LIG1: variants seen among roughly 807,000 people sequenced by gnomAD.
The protein encoded by LIG1 is ligase I, DNA, ATP-dependent.
A neutral mutation model predicts 115.7 loss-of-function variants in LIG1; 70 were observed. That is an observed-to-expected ratio of 0.60 (90% confidence interval 0.50 to 0.74). The LOEUF (loss-of-function observed/expected upper bound fraction) is 0.74. LIG1 is among the 30% of genes least tolerant of loss of function. The probability of loss-of-function intolerance (pLI) is 0.00; values close to 1 mark genes in which losing one functional copy is unlikely to be tolerated. For synonymous variants in LIG1, 487 were observed against 495.3 expected, an observed-to-expected ratio of 0.98 and a Z score of 0.22; for missense variants, 1,115 against 1,225.6, an observed-to-expected ratio of 0.91 and a Z score of 1.35.
chr19:48,119,070 G>T, intron 25 of LIG1, 67 bp downstream of exon 25: 1 of 1,297,644 alleles, frequency 7.7e-7, no homozygotes, highest in Non-Finnish European at 1.1e-6. Flanking sequence ...GCCCTGCATG[G>T]AAGGACTGTG....
intron 5 of LIG1, 88 bp downstream of exon 5, chr19:48,156,926 G>A (rs1371402280): frequency 7.0e-5 from 86 of 1,234,130 alleles, no homozygotes; most frequent in Middle Eastern, 3.1e-4. Context: ...GCAACAGAGC[G>A]AGACTATGTC....
chr19:48,130,265 T>C (rs1049392413), intron 19 of LIG1, among the ~76,000 whole-genome samples: 1 of 152,204 alleles, frequency 6.6e-6, no homozygotes, highest in Non-Finnish European at 1.5e-5. Flanking sequence ...TGCACTGAAC[T>C]GTGCCTCTCT....
intron 19 of LIG1, among the ~76,000 whole-genome samples, chr19:48,129,475 G>A (rs1024068985): frequency 1.3e-5 from 2 of 152,204 alleles, no homozygotes; most frequent in African/African-American, 4.8e-5. Context: ...TGGGCTGTGA[G>A]CTCAGTGAGG....
chr19:48,137,818 C>CT lies in LIG1; in HGVS notation c.1088-131dup. 8.8e-7 allele frequency: 1 copy of CT among 1,139,052 alleles called. No homozygotes were observed. Among genetic ancestry groups the CT allele is most frequent in the South Asian group, 1.4e-5 (1 of 72,260 alleles). 70.6% of individuals were successfully genotyped at this position (1,139,052 alleles called of 1,614,324 possible). A position where few individuals can be genotyped will look rare whatever the true frequency, so the allele number is the denominator to read the frequency against. Reference sequence around the variant, plus strand: ...GGCGAGTCCCTGCACCTCCCTGTGTCTAACGCTCACCCACTTGGTAGAAAT... The same window carrying CT: ...GGCGAGTCCCTGCACCTCCCTGTGTCTTAACGCTCACCCACTTGGTAGAAAT... On this transcript the variant is annotated intron_variant, in intron 12 of 27. Transcript: ENST00000263274. This position sits in a 1 kb window ranked among gnomAD's most constrained non-coding sequence, Gnocchi z 4.3.
At chr19:48,124,470 A>AGTGTAGCCGCCACCAGCCAT (rs1228275302) in intron 21 of LIG1, among the ~76,000 whole-genome samples, 3 of 152,178 alleles carry the variant, frequency 2.0e-5, no homozygotes, top group African/African-American at 7.2e-5. Flanking sequence ...CGTGCTACCC[A>AGTGTAGCCGCCACCAGCCAT]GTGTAGCCGC....
At position 48,157,248 on chromosome 19, in the gene LIG1, G is replaced by C. The variant is rs2035910359; in HGVS notation, c.244-108C>G. On this transcript the variant is annotated intron_variant, in intron 4 of 27. Coordinates refer to ENST00000263274, the MANE Select transcript of LIG1 (RefSeq NM_000234.3). ...AACCTCTCTGTCTACCCTCCTTTCT[G>C]ACCCTATGGTCTCAGCCCTAACTCA... The C allele has an allele frequency of 6.2e-6, 8 of 1,285,144 alleles. No individual in the cohort carries two copies. The East Asian group carries it at 2.0e-4, about 33-fold the overall frequency. 79.6% of individuals were successfully genotyped at this position (1,285,144 alleles called of 1,614,324 possible). A position where few individuals can be genotyped will look rare whatever the true frequency, so the allele number is the denominator to read the frequency against.
chr19:48,165,645 T>C, intron 1 of LIG1, 22 bp from the exon 2 acceptor site: 3 of 1,582,682 alleles, frequency 1.9e-6, no homozygotes, highest in East Asian at 2.2e-5. Context: ...ATCCAAACAC[T>C]TGTTGAGGTG....
At position 48,140,151 on chromosome 19, in the gene LIG1, A is replaced by C; in HGVS notation, c.915-8T>G. 7.0e-7 allele frequency: 1 copy of C among 1,429,360 alleles called. No individual in the cohort carries two copies. Among genetic ancestry groups the C allele is most frequent in the Non-Finnish European group, 9.4e-7 (1 of 1,064,324 alleles). 88.5% of individuals were successfully genotyped at this position (1,429,360 alleles called of 1,614,324 possible). A position where few individuals can be genotyped will look rare whatever the true frequency, so the allele number is the denominator to read the frequency against. ...GTCTCCACCATCCGGAGCCTGGAGGAGGGGACGGGGGTATGAACACGTGGT... is the reference window on the plus strand; with the variant it reads ...GTCTCCACCATCCGGAGCCTGGAGGCGGGGACGGGGGTATGAACACGTGGT... On this transcript the variant is annotated splice_region_variant and splice_polypyrimidine_tract_variant and intron_variant, in intron 11 of 27. Coordinates refer to ENST00000263274, the MANE Select transcript of LIG1 (RefSeq NM_000234.3).
intron 11 of LIG1, 77 bp downstream of exon 11, chr19:48,143,466 A>C (rs2034907146): frequency 4.0e-6 from 5 of 1,259,154 alleles, no homozygotes; most frequent in Admixed American, 1.7e-5. Context: ...TGGCGGAACA[A>C]GGCAGCACAG....
chr19:48,161,659 T>C (rs1181186403), intron 3 of LIG1, 152 bp from the exon 4 acceptor site: 2 of 906,224 alleles, frequency 2.2e-6, no homozygotes, highest in African/African-American at 3.2e-5. Context: ...GCAAATCTCA[T>C]CATTTCATCC....
At chr19:48,132,790 C>CAAAAAAAAAAAAAAA (rs71181649) in intron 18 of LIG1, among the ~76,000 whole-genome samples, 192 bp downstream of exon 18, 16 of 48,258 alleles carry the variant, frequency 3.3e-4, no homozygotes, top group African/African-American at 7.7e-4. Context: ...GACTCTGTCT[C>CAAAAAAAAAAAAAAA]AAAAAAAAAA....
intron 11 of LIG1, among the ~76,000 whole-genome samples, chr19:48,142,675 ACT>A (rs2034849153): frequency 6.6e-6 from 1 of 151,922 alleles, no homozygotes; most frequent in African/African-American, 2.4e-5. Flanking sequence ...ACAGAGTCTC[ACT>A]CTGTCACCCA....
chr19:48,165,854 A>T (rs1260441191), intron 1 of LIG1: 1 of 546,326 alleles, frequency 1.8e-6, no homozygotes, highest in Non-Finnish European at 3.3e-6. Flanking sequence ...TTACCATAAG[A>T]AGACTGTTTT....
At chr19:48,148,801 A>G (rs1297941628) in intron 9 of LIG1, among the ~76,000 whole-genome samples, 1 of 152,208 alleles carries the variant, frequency 6.6e-6, no homozygotes, top group Admixed American at 6.5e-5. Flanking sequence ...CTCTTCAAAT[A>G]ATTAACAAAA....
At chr19:48,153,733 T>G (rs2035635504) in intron 6 of LIG1, 139 bp downstream of exon 6, 1 of 585,596 alleles carries the variant, frequency 1.7e-6, no homozygotes, top group Non-Finnish European at 2.8e-6. Flanking sequence ...TCCTTCCTCT[T>G]GGCTTCACAC....
intron 5 of LIG1, chr19:48,154,397 C>T (rs751200086): frequency 1.6e-5 from 4 of 244,432 alleles, no homozygotes; most frequent in Non-Finnish European, 3.3e-5. Context: ...CCTCACCCCA[C>T]GATCGGCAGG....
Position 48,139,961 on chromosome 19 carries a change from TC to T in LIG1, c.1087+9del. ...GTCCTTCTGGTCCCTCCAACCACAG[TC>T]CCCCTTACCTGTGGCCTGGGCCACT... On this transcript the variant is annotated intron_variant, in intron 12 of 27. Coordinates refer to ENST00000263274, the MANE Select transcript of LIG1 (RefSeq NM_000234.3). 6.2e-7 allele frequency: 1 copy of T among 1,613,836 alleles called. No individual in the cohort carries two copies. The highest frequency in any genetic ancestry group is 8.5e-7 in the Non-Finnish European group (1 of 1,179,854).
At chr19:48,135,244 T>C (rs138544877) in intron 16 of LIG1, among the ~76,000 whole-genome samples, 7 of 152,274 alleles carry the variant, frequency 4.6e-5, no homozygotes, top group African/African-American at 1.7e-4. Context: ...TGGGTTCAAA[T>C]GATTCTTGTG....
chr19:48,152,360 T>G (rs767392664), intron 6 of LIG1, among the ~76,000 whole-genome samples: 6 of 152,226 alleles, frequency 3.9e-5, no homozygotes, highest in Non-Finnish European at 5.9e-5. Context: ...CGACCTCAAG[T>G]GATCCACCCG....
Sources: gnomAD v4.1 joint callset for allele counts (sites outside exome capture counted in the v4.1 genomes callset) on GRCh38, gnomAD v4.1.1 for gene constraint, Gnocchi (gnomAD v3.1) non-coding constraint, MANE v1.5 for transcripts, NCBI Gene and HGNC (gene_info 2026-07-23, HGNC 2026-07-21) for gene names.